Variants in PRKAR1A observed in about 807,000 individuals in gnomAD.
The protein encoded by PRKAR1A is cAMP-dependent protein kinase type I-alpha regulatory subunit.
PRKAR1A carries 3 observed loss-of-function variants against 52.0 expected under a neutral mutation model. The observed-to-expected ratio is 0.06, with a 90% CI of 0.03 to 0.15. The LOEUF (loss-of-function observed/expected upper bound fraction) is 0.15. Among genes scored for constraint, PRKAR1A ranks in the 10% least tolerant of loss-of-function variants. The pLI, the probability that PRKAR1A is intolerant of heterozygous loss-of-function variation, is 1.00. For synonymous variants in PRKAR1A, 188 were observed against 168.4 expected, an observed-to-expected ratio of 1.12 and a Z score of -0.90; for missense variants, 240 against 477.4, an observed-to-expected ratio of 0.50 and a Z score of 4.63.
chr17:68,545,461 C>T (rs2086505231), intron 11 of PRKAR1A, among the ~76,000 whole-genome samples: 7 of 152,170 alleles, frequency 4.6e-5, no homozygotes, highest in Admixed American at 4.6e-4. Flanking sequence ...TATGCAATAG[C>T]ATTATGTCTG....
At position 68,527,822 on chromosome 17, in the gene PRKAR1A, T is replaced by G; in HGVS notation, c.709-18T>G. 6.3e-7 allele frequency: 1 copy of G among 1,592,048 alleles called. No individual in the cohort carries two copies. The highest frequency in any genetic ancestry group is 8.6e-7 in the Non-Finnish European group (1 of 1,160,700). ...TTACACGTCTTGGGGATATCACTTT[T>G]GTTATTTTTATTTTTAGGGAAGCAC... On this transcript the variant is annotated intron_variant, in intron 7 of 10. Coordinates refer to ENST00000589228, the MANE Select transcript of PRKAR1A (RefSeq NM_002734.5).
At chr17:68,519,523 G>A (rs1018342698) in intron 2 of PRKAR1A, among the ~76,000 whole-genome samples, 8 of 152,316 alleles carry the variant, frequency 5.3e-5, no homozygotes, top group Non-Finnish European at 8.8e-5. Context: ...CCCACAATAT[G>A]TGGGGATTAT....
the PRKAR1A span, among the ~76,000 whole-genome samples, chr17:68,483,859 C>CT: frequency 6.9e-6 from 1 of 144,298 alleles, no homozygotes; most frequent in African/African-American, 2.6e-5. Flanking sequence ...AAAACTCCGT[C>CT]TCAAAAAAAA....
chr17:68,426,656 C>T, the PRKAR1A span, among the ~76,000 whole-genome samples: 4 of 152,188 alleles, frequency 2.6e-5, no homozygotes, highest in Non-Finnish European at 5.9e-5. Flanking sequence ...CCTCAGCCTC[C>T]GGAGTAGCTG....
chr17:68,507,910 G>T (rs2085217854), upstream of PRKAR1A, among the ~76,000 whole-genome samples: 1 of 152,154 alleles, frequency 6.6e-6, no homozygotes, highest in South Asian at 2.1e-4. Context: ...GTCAACTTGG[G>T]TAGGCCATGC....
the PRKAR1A span, among the ~76,000 whole-genome samples, chr17:68,495,834 C>T: frequency 6.6e-6 from 1 of 150,910 alleles, no homozygotes; most frequent in Non-Finnish European, 1.5e-5. Flanking sequence ...GGCAGGGCTG[C>T]ATCCTTTTCT....
chr17:68,541,027 C>T (rs2086265511), intron 11 of PRKAR1A: 1 of 1,546,518 alleles, frequency 6.5e-7, no homozygotes, highest in Non-Finnish European at 8.7e-7. Flanking sequence ...CTCCCCACAC[C>T]TCCCCCTGCC....
the PRKAR1A span, among the ~76,000 whole-genome samples, chr17:68,428,021 G>C: frequency 6.6e-6 from 1 of 152,042 alleles, no homozygotes; most frequent in Admixed American, 6.6e-5. Context: ...CTCCCAAGTA[G>C]CTGGGACTAC....
chr17:68,426,252 G>GGGGGGGGGGGT, the PRKAR1A span: 6 of 828,188 alleles, frequency 7.2e-6, no homozygotes, highest in South Asian at 1.3e-5. Context: ...TGGGGAGCGG[G>GGGGGGGGGGGT]GGCTCAAATA....
intron 11 of PRKAR1A, among the ~76,000 whole-genome samples, chr17:68,538,988 G>C (rs2086178447): frequency 6.6e-6 from 1 of 152,232 alleles, no homozygotes. Context: ...CCTAGATGGT[G>C]TAGCCTCCTG....
chr17:68,538,161 T>G (rs1020624738), downstream of PRKAR1A, among the ~76,000 whole-genome samples: 1 of 152,262 alleles, frequency 6.6e-6, no homozygotes, highest in African/African-American at 2.4e-5. Context: ...TTAAGTTGTT[T>G]CTTGCTAACT....
chr17:68,540,715 C>T (rs1454742344), intron 11 of PRKAR1A: 2 of 1,152,232 alleles, frequency 1.7e-6, no homozygotes, highest in Non-Finnish European at 2.5e-6. Flanking sequence ...ACCTCCGCCA[C>T]TTCTGAGGCT....
At chr17:68,478,972 C>A in the PRKAR1A span, among the ~76,000 whole-genome samples, 2 of 152,320 alleles carry the variant, frequency 1.3e-5, no homozygotes, top group East Asian at 3.9e-4. Context: ...AGGCCATCCG[C>A]CCACCTTGGC....
intron 5 of PRKAR1A, 122 bp from the exon 6 acceptor site, chr17:68,524,790 T>C (rs1243509368): frequency 5.2e-6 from 4 of 776,502 alleles, no homozygotes; most frequent in Non-Finnish European, 2.2e-6. Context: ...CCTGAAAGAT[T>C]GTGTTAGTTT....
chr17:68,547,395 C>T (rs1159848421), intron 11 of PRKAR1A, among the ~76,000 whole-genome samples: 1 of 152,180 alleles, frequency 6.6e-6, no homozygotes. Context: ...TCTTCTCTAG[C>T]TATGGGGAAA....
At chr17:68,542,623 T>C in intron 11 of PRKAR1A, 1 of 1,182,912 alleles carries the variant, frequency 8.5e-7, no homozygotes, top group Non-Finnish European at 1.3e-6. Flanking sequence ...AGGCCACTGA[T>C]GAATGGAGGG....
the PRKAR1A span, chr17:68,434,682 G>A: frequency 1.9e-6 from 3 of 1,577,998 alleles, no homozygotes; most frequent in Non-Finnish European, 2.6e-6. Flanking sequence ...ACACAGAGAT[G>A]TCCCTTTAGA....
Position 68,525,882 on chromosome 17 carries a change from C to T in PRKAR1A, c.678C>T (p.Ile226=), listed in dbSNP as rs200592054. The T allele has an allele frequency of 2.5e-4, 404 of 1,613,526 alleles. 3 individuals are homozygous for T. The East Asian group carries it at 7.7e-3, about 31-fold the overall frequency. ...AGACAAATGTGAAATTGTGGGGCAT[C>T]GACCGAGACAGCTATAGAAGAATCC... is the stretch of plus-strand genomic sequence containing the variant. ...KAKTNVKLWG[I]DRDSYRRILM... The change falls in exon 7 of 11, where the codon ATC becomes ATT. Residue 226 remains isoleucine (I), a synonymous_variant. Transcript: ENST00000589228.
At chr17:68,548,030 G>A (rs977118523) in intron 11 of PRKAR1A, among the ~76,000 whole-genome samples, 1 of 144,078 alleles carries the variant, frequency 6.9e-6, no homozygotes, top group Non-Finnish European at 1.5e-5. Flanking sequence ...CAATATTGTT[G>A]TGTCTTAGGG....
Sources: gnomAD v4.1 joint callset for allele counts (sites outside exome capture counted in the v4.1 genomes callset) on GRCh38, gnomAD v4.1.1 for gene constraint, MANE v1.5 for transcripts, NCBI Gene and HGNC (gene_info 2026-07-23, HGNC 2026-07-21) for gene names.